Variants in CNOT1 observed in about 807,000 individuals in gnomAD.
The protein encoded by CNOT1 is CCR4-NOT transcription complex subunit 1, also known as CCR4-associated factor 1.
CNOT1 carries 15 observed loss-of-function variants against 273.8 expected under a neutral mutation model. That is an observed-to-expected ratio of 0.05 (90% confidence interval 0.04 to 0.08). The LOEUF (loss-of-function observed/expected upper bound fraction) is 0.08. Ranked by LOEUF, CNOT1 falls within the 10% of genes least tolerant of loss-of-function variation. CNOT1 has a pLI of 1.00. For missense variants in CNOT1, 1,644 were observed against 2,912.2 expected, an observed-to-expected ratio of 0.56 and a Z score of 10.02; for synonymous variants, 1,022 against 1,005.5, an observed-to-expected ratio of 1.02 and a Z score of -0.31.
Position 58,599,240 on chromosome 16 carries a change from T to C in CNOT1, c.98A>G (p.Gln33Arg). ...KNYRASQQEIQHIVNRHGPEA... is the reference protein window; with the variant it reads ...KNYRASQQEIRHIVNRHGPEA... ...TTTTCTGGCTAGTTTACTTACATGC[T>C]GTATTTCCTGCTGGCTGGCTCGGTA... Residue 33 changes from glutamine to arginine, a missense_variant, in exon 2 of 49, where the codon CAG becomes CGG. Physicochemically the swap from Gln to Arg is conservative, Grantham distance 43 (BLOSUM62 1). This residue lies in a region of CNOT1 where 706 missense variants were observed against 1,021.2 expected (regional missense o/e 0.69). Coordinates refer to ENST00000317147, the MANE Select transcript of CNOT1 (RefSeq NM_016284.5). 6.2e-7 allele frequency: 1 copy of C among 1,614,216 alleles called. No individual in the cohort carries two copies. Among genetic ancestry groups the C allele is most frequent in the Non-Finnish European group, 8.5e-7 (1 of 1,180,032 alleles).
In CNOT1 at chr16:58,528,656, T is replaced by A; in HGVS notation, c.6280-8A>T. Reference sequence around the variant, plus strand: ...CAGCACTCTTAAAGTGCCCTATTTTTAAAAAACAAGAAAAATATTTCCACA... The same window carrying A: ...CAGCACTCTTAAAGTGCCCTATTTTAAAAAAACAAGAAAAATATTTCCACA... On this transcript the variant is annotated splice_region_variant and splice_polypyrimidine_tract_variant and intron_variant, in intron 43 of 48. Coordinates refer to ENST00000317147, the MANE Select transcript of CNOT1 (RefSeq NM_016284.5). 1.9e-6 allele frequency: 3 copies of A among 1,585,234 alleles called. No individual in the cohort carries two copies. The highest frequency in any genetic ancestry group is 2.6e-6 in the Non-Finnish European group (3 of 1,167,762).
chr16:58,530,637 A>C (rs2039748554), intron 42 of CNOT1: 1 of 196,932 alleles, frequency 5.1e-6, no homozygotes, highest in Non-Finnish European at 1.0e-5. Flanking sequence ...ACAAAAAATT[A>C]GCCAGGCGAG....
intron 48 of CNOT1, 54 bp downstream of exon 48, chr16:58,521,129 G>A (rs2039354063): frequency 1.2e-6 from 2 of 1,612,262 alleles, no homozygotes; most frequent in Non-Finnish European, 1.7e-6. Context: ...AGAGACAGAT[G>A]GTTTTCAGTC....
Position 58,539,813 on chromosome 16 carries a change from A to C in CNOT1, c.4947T>G (p.Ser1649=). 1 of 1,614,106 alleles carries C rather than the reference A, an allele frequency of 6.2e-7. No homozygotes were observed. Among genetic ancestry groups the C allele is most frequent in the South Asian group, 1.1e-5 (1 of 91,058 alleles). The part of the protein sequence containing the change: ...LRSLLEVVVL[S]RNSRDAIAAL... ...CAGCTATGGCATCCCGAGAGTTTCG[A>C]GATAAAACTACAACCTCCAAGAGAC... Residue 1649 remains serine, a synonymous_variant, in exon 35 of 49, where the codon TCT becomes TCG. Coordinates refer to ENST00000317147, the MANE Select transcript of CNOT1 (RefSeq NM_016284.5).
intron 1 of CNOT1, among the ~76,000 whole-genome samples, chr16:58,608,737 A>G (rs1276673691): frequency 6.6e-6 from 1 of 152,206 alleles, no homozygotes; most frequent in East Asian, 1.9e-4. Flanking sequence ...CAACGAGTGG[A>G]TAAACAAACT....
Position 58,587,082 on chromosome 16 carries a change from T to A in CNOT1, c.433+119A>T. ...TATATTACATGTTTTTTACCACAGA[T>A]AAAGAGAAATTAATTTCAGATTATC... is the stretch of plus-strand genomic sequence containing the variant. On this transcript the variant is annotated intron_variant, in intron 6 of 48. Coordinates refer to ENST00000317147, the MANE Select transcript of CNOT1 (RefSeq NM_016284.5). 3.7e-6 allele frequency: 5 copies of A among 1,367,318 alleles called. No homozygotes were observed. The South Asian group carries it at 7.2e-5, about 20-fold the overall frequency. 84.7% of individuals were successfully genotyped at this position (1,367,318 alleles called of 1,614,324 possible).
chr16:58,581,039 TATTGGGAAAA>T (rs2041639906), intron 11 of CNOT1, among the ~76,000 whole-genome samples: 1 of 23,504 alleles, frequency 4.3e-5, no homozygotes, highest in Non-Finnish European at 9.3e-5. Context: ...ATCATTAAAC[TATTGGGAAAA>T]CACCTTGACT....
At chr16:58,590,992 T>G (rs1038820039) in intron 2 of CNOT1, among the ~76,000 whole-genome samples, 33 of 152,014 alleles carry the variant, frequency 2.2e-4, no homozygotes, top group Admixed American at 1.3e-4. Context: ...ACATTATCTG[T>G]TAACAAAAAG....
chr16:58,603,580 A>G (rs1043196362), intron 1 of CNOT1, among the ~76,000 whole-genome samples: 3 of 152,084 alleles, frequency 2.0e-5, no homozygotes, highest in African/African-American at 7.2e-5. Context: ...GGACCTAACC[A>G]CTGATACTCT....
Position 58,627,403 on chromosome 16 carries a change from CAAA to C in CNOT1, c.-175+2322_-175+2324del, listed in dbSNP as rs754338444. On this transcript the variant is annotated intron_variant, in intron 1 of 48. Coordinates refer to ENST00000317147, the MANE Select transcript of CNOT1 (RefSeq NM_016284.5). The stretch of plus-strand genomic sequence containing the variant: ...CTGGTGACAGAGCGAGACTCCATCT[CAAA>C]AAAAAAAAAAAAAAAAAAGTTTCTC... Among the ~76,000 whole-genome samples the C allele has an allele frequency of 1.1e-3, 69 of 65,164 alleles. No homozygotes were observed. The South Asian group carries it at 0.036, about 34-fold the overall frequency. The allele number at this position is 65,164 out of a possible 152,430, so 42.8% of individuals were successfully genotyped here. A position where few individuals can be genotyped will look rare whatever the true frequency, so the allele number is the denominator to read the frequency against.
chr16:58,524,109 G>A lies in CNOT1; in HGVS notation c.6785-607C>T, dbSNP rs556786167. 5.3e-5 allele frequency among the ~76,000 whole-genome samples: 8 copies of A among 152,164 alleles called. No homozygotes were observed. The South Asian group carries it at 1.7e-3, about 32-fold the overall frequency. On this transcript the variant is annotated intron_variant, in intron 46 of 48. Transcript: ENST00000317147. ...CTAAAAATACATAAAAATTAGCTGGGCATGGTGGCGTGTGCCTGTAATCCC... is the reference window on the plus strand; with the variant it reads ...CTAAAAATACATAAAAATTAGCTGGACATGGTGGCGTGTGCCTGTAATCCC...
intron 7 of CNOT1, among the ~76,000 whole-genome samples, chr16:58,586,116 T>A (rs1379377225): frequency 1.3e-5 from 2 of 148,150 alleles, no homozygotes; most frequent in Admixed American, 1.4e-4. Context: ...ACCGATTTTT[T>A]AAGCTAAAAA....
At chr16:58,568,587 G>A (rs1422474958) in intron 16 of CNOT1, among the ~76,000 whole-genome samples, 2 of 147,462 alleles carry the variant, frequency 1.4e-5, no homozygotes, top group East Asian at 4.1e-4. Context: ...AGCTGAGGCA[G>A]GAGAATCGCT....
At chr16:58,611,407 C>A (rs1052728001) in intron 1 of CNOT1, among the ~76,000 whole-genome samples, 1 of 148,650 alleles carries the variant, frequency 6.7e-6, no homozygotes, top group African/African-American at 2.5e-5. Context: ...CCAGTCTGAG[C>A]GACAGAGCGA....
intron 2 of CNOT1, among the ~76,000 whole-genome samples, chr16:58,597,272 G>C (rs1045130845): frequency 1.3e-5 from 2 of 151,696 alleles, no homozygotes; most frequent in Admixed American, 6.6e-5. Context: ...TCAGGAGTTC[G>C]AGACCAGCGT....
At chr16:58,589,869 C>T (rs1377249233) in intron 2 of CNOT1, among the ~76,000 whole-genome samples, 5 of 152,192 alleles carry the variant, frequency 3.3e-5, no homozygotes, top group African/African-American at 1.2e-4. Context: ...CTCCAGATGG[C>T]TATACATGGT....
chr16:58,554,500 G>T (rs1397240713), intron 21 of CNOT1, among the ~76,000 whole-genome samples: 1 of 152,210 alleles, frequency 6.6e-6, no homozygotes, highest in Non-Finnish European at 1.5e-5. Context: ...TGTGGTGGTA[G>T]TTACACAACT....
intron 46 of CNOT1, chr16:58,523,841 C>T: frequency 5.1e-6 from 1 of 197,652 alleles, no homozygotes; most frequent in African/African-American, 2.3e-5. Flanking sequence ...GCTGGATTCT[C>T]ATTTCTGCTT....
chr16:58,601,537 T>C (rs2042463375), intron 1 of CNOT1, among the ~76,000 whole-genome samples: 1 of 152,136 alleles, frequency 6.6e-6, no homozygotes, highest in Non-Finnish European at 1.5e-5. Flanking sequence ...CCATGTAAGA[T>C]GCAGGAAACT....
Sources: allele counts gnomAD v4.1 joint callset (sites outside exome capture counted in the v4.1 genomes callset), GRCh38; gene constraint gnomAD v4.1.1; regional missense constraint gnomAD v4.1.1; transcripts MANE v1.5; gene names NCBI Gene and HGNC (gene_info 2026-07-23, HGNC 2026-07-21).